Variants in RBFOX1 observed in about 807,000 individuals in gnomAD.
RBFOX1 encodes the protein RNA binding fox-1 homolog 1, also known as RNA binding protein fox-1 homolog 1.
Under a neutral mutation model 57.7 loss-of-function variants are expected in RBFOX1, and 8 were observed. The observed-to-expected ratio is 0.14, with a 90% CI of 0.08 to 0.25. The LOEUF (loss-of-function observed/expected upper bound fraction) is 0.25. Ranked by LOEUF, RBFOX1 falls within the 10% of genes least tolerant of loss-of-function variation. The pLI is 1.00. For synonymous variants in RBFOX1, 326 were observed against 222.4 expected (o/e 1.47, Z -4.15); for missense variants, 611 against 548.5 (o/e 1.11, Z -1.14).
chr16:7,456,405 G>T (rs1270514434), intron 4 of RBFOX1, among the ~76,000 whole-genome samples: 2 of 152,122 alleles, frequency 1.3e-5, no homozygotes, highest in African/African-American at 4.8e-5. Context: ...TGTTTTATGG[G>T]CCGGGATTAA....
intron 3 of RBFOX1, among the ~76,000 whole-genome samples, chr16:7,003,559 T>G (rs990691277): frequency 2.6e-5 from 4 of 151,854 alleles, no homozygotes; most frequent in African/African-American, 9.7e-5. Flanking sequence ...AAAAATAAAA[T>G]AAAACCAGAG....
At chr16:7,261,198 G>A (rs565057894) in intron 4 of RBFOX1, among the ~76,000 whole-genome samples, 3 of 152,306 alleles carry the variant, frequency 2.0e-5, no homozygotes, top group African/African-American at 7.2e-5. Flanking sequence ...GTGAATTTGG[G>A]TAAGTCACTT....
intron 4 of RBFOX1, among the ~76,000 whole-genome samples, chr16:7,426,461 TA>T (rs1225826385): frequency 6.6e-6 from 1 of 152,186 alleles, no homozygotes; most frequent in Non-Finnish European, 1.5e-5. Context: ...TAGCTAATGA[TA>T]GTTTTCAAGC....
chr16:7,203,956 T>A (rs765703351), intron 4 of RBFOX1, among the ~76,000 whole-genome samples: 7 of 152,376 alleles, frequency 4.6e-5, no homozygotes, highest in African/African-American at 1.7e-4. Context: ...TACATAGGGC[T>A]GTACAAGCTG....
At chr16:6,316,420 C>T (rs971819625) in intron 1 of RBFOX1, among the ~76,000 whole-genome samples, 2 of 152,156 alleles carry the variant, frequency 1.3e-5, no homozygotes, top group African/African-American at 4.8e-5. Flanking sequence ...TATCATAATT[C>T]TACTCATTGC....
chr16:7,325,487 A>G lies in RBFOX1; in HGVS notation c.28-192660A>G, dbSNP rs564517200. ...GAATGTAATGCCACAAGAATAACAT[A>G]TGCTTAGTACATACTTGTCATTCTC... On this transcript the variant is annotated intron_variant, in intron 4 of 15. Coordinates refer to ENST00000550418, the MANE Select transcript of RBFOX1 (RefSeq NM_018723.4). 3.9e-5 allele frequency among the ~76,000 whole-genome samples: 6 copies of G among 152,340 alleles called. No individual in the cohort carries two copies. The South Asian group carries it at 6.2e-4, about 16-fold the overall frequency.
chr16:6,983,193 A>T (rs772222199), intron 3 of RBFOX1, among the ~76,000 whole-genome samples: 6 of 151,998 alleles, frequency 3.9e-5, no homozygotes, highest in Non-Finnish European at 7.4e-5. Flanking sequence ...TTCCTTGGGT[A>T]GTACTCATCC....
intron 4 of RBFOX1, among the ~76,000 whole-genome samples, chr16:7,493,943 A>G (rs1213109969): frequency 1.3e-5 from 2 of 152,190 alleles, no homozygotes; most frequent in Admixed American, 6.5e-5. Context: ...TTGCATTCTC[A>G]AATAGAAAGT....
chr16:7,498,560 A>G (rs1291376524), intron 4 of RBFOX1, among the ~76,000 whole-genome samples: 1 of 152,150 alleles, frequency 6.6e-6, no homozygotes, highest in Non-Finnish European at 1.5e-5. Context: ...GCATAATTTT[A>G]TTTACCCAGT....
At chr16:5,472,564 G>C (rs143858719) in intron 2 of RBFOX1, among the ~76,000 whole-genome samples, 1 of 152,190 alleles carries the variant, frequency 6.6e-6, no homozygotes, top group East Asian at 1.9e-4. Context: ...GTGCATGCTG[G>C]AATGAAATCT....
Position 5,424,054 on chromosome 16 carries a change from T to A in RBFOX1, c.220-43162T>A, listed in dbSNP as rs569607040. 7.9e-4 allele frequency among the ~76,000 whole-genome samples: 120 copies of A among 152,332 alleles called. 1 individual carries two copies. The highest frequency in any genetic ancestry group is 3.4e-3 in the Middle Eastern group (1 of 294). On this transcript the variant is annotated intron_variant, in intron 1 of 2. Coordinates refer to the RBFOX1 transcript ENST00000585867. ...CTCACTGTCCTAGGGACCCCTCGTGTTTCCTGGCCACCTTCAGATTTATGT... is the reference window on the plus strand; with the variant it reads ...CTCACTGTCCTAGGGACCCCTCGTGATTCCTGGCCACCTTCAGATTTATGT...
At chr16:5,730,056 C>T (rs2052308008) in intron 3 of RBFOX1, among the ~76,000 whole-genome samples, 1 of 152,194 alleles carries the variant, frequency 6.6e-6, no homozygotes, top group Non-Finnish European at 1.5e-5. Context: ...TTGAGTATCA[C>T]ACAGTGCATC....
chr16:6,705,859 A>T (rs1289148541), intron 3 of RBFOX1, among the ~76,000 whole-genome samples: 2 of 152,104 alleles, frequency 1.3e-5, no homozygotes, highest in African/African-American at 4.8e-5. Context: ...CTTTACTAAA[A>T]ATACAAACAT....
intron 1 of RBFOX1, among the ~76,000 whole-genome samples, chr16:6,155,555 C>A (rs930927802): frequency 3.2e-4 from 49 of 152,316 alleles, no homozygotes; most frequent in African/African-American, 1.1e-3. Context: ...AAATGTCCCA[C>A]ATCGATAGTG....
At chr16:5,469,889 A>G (rs772017367) in intron 2 of RBFOX1, among the ~76,000 whole-genome samples, 1 of 152,188 alleles carries the variant, frequency 6.6e-6, no homozygotes, top group Non-Finnish European at 1.5e-5. Flanking sequence ...ATGATTATCC[A>G]TTCATCTAGG....
At chr16:7,701,743 C>T (rs568111755) in intron 14 of RBFOX1, among the ~76,000 whole-genome samples, 5 of 151,900 alleles carry the variant, frequency 3.3e-5, no homozygotes, top group Non-Finnish European at 7.4e-5. Flanking sequence ...GCTATAGTAA[C>T]CACAGAGGAG....
At chr16:7,163,846 G>C (rs779506673) in intron 4 of RBFOX1, among the ~76,000 whole-genome samples, 2 of 151,996 alleles carry the variant, frequency 1.3e-5, no homozygotes, top group Non-Finnish European at 2.9e-5. Context: ...TTTTGGTAGA[G>C]ATGAAGTTTT....
intron 4 of RBFOX1, among the ~76,000 whole-genome samples, chr16:7,377,198 T>C (rs1052552464): frequency 6.6e-6 from 1 of 152,232 alleles, no homozygotes; most frequent in Non-Finnish European, 1.5e-5. Context: ...CTTGACTTTG[T>C]TCTATTCCAT....
intron 1 of RBFOX1, among the ~76,000 whole-genome samples, chr16:6,153,372 G>C (rs1031226015): frequency 7.2e-5 from 11 of 152,000 alleles, no homozygotes; most frequent in African/African-American, 2.7e-4. Context: ...ATTGTTCCTT[G>C]CTAATTGAAT....
Sources: allele counts gnomAD v4.1 joint callset (sites outside exome capture counted in the v4.1 genomes callset), GRCh38; gene constraint gnomAD v4.1.1; transcripts MANE v1.5; gene names NCBI Gene and HGNC (gene_info 2026-07-23, HGNC 2026-07-21).